Variants in NFYA observed in about 807,000 individuals in gnomAD.
NFYA encodes CAAT-box DNA binding protein subunit A.
NFYA carries 28 observed loss-of-function variants against 52.8 expected under a neutral mutation model. The observed-to-expected ratio is 0.53, with a 90% CI of 0.39 to 0.73. The LOEUF is 0.73. Ranked by LOEUF, NFYA falls within the 30% of genes least tolerant of loss-of-function variation. NFYA has a pLI of 0.00. For missense variants in NFYA, 234 were observed against 427.0 expected (o/e 0.55, Z 3.98); for synonymous variants, 150 against 150.7 (o/e 1.00, Z 0.03).
Position 41,079,100 on chromosome 6 carries a change from A to G in NFYA, c.11A>G (p.Tyr4Cys). ...TCACTTGGAGGGACCATGGAGCAGTATACAGCAAACAGCAATAGTTCGACA... is the reference window on the plus strand; with the variant it reads ...TCACTTGGAGGGACCATGGAGCAGTGTACAGCAAACAGCAATAGTTCGACA... Reference protein sequence around the residue: MEQYTANSNSSTEQ... With the variant: MEQCTANSNSSTEQ... Residue 4 changes from tyrosine (Y) to cysteine (C), a missense_variant, in exon 2 of 10, where the codon TAT (tyrosine) becomes TGT (cysteine). Physicochemically the swap from Tyr to Cys is radical, Grantham distance 194 (BLOSUM62 -2). Transcript: ENST00000341376. The G allele has an allele frequency of 6.2e-7, 1 of 1,614,214 alleles. No homozygotes were observed. The highest frequency in any genetic ancestry group is 1.3e-5 in the African/African-American group (1 of 75,058).
chr6:41,079,310 A>T (rs1763842476), intron 2 of NFYA, 146 bp downstream of exon 2: 2 of 719,692 alleles, frequency 2.8e-6, no homozygotes, highest in Non-Finnish European at 4.7e-6. Context: ...CTGAAATGCC[A>T]TGTCTAGCCC....
intron 7 of NFYA, 49 bp from the exon 8 acceptor site, chr6:41,092,863 A>G (rs374109965): frequency 8.1e-5 from 125 of 1,551,166 alleles, no homozygotes; most frequent in Non-Finnish European, 8.9e-5. Flanking sequence ...AACTGTTTCT[A>G]TGTCCATACT....
chr6:41,089,840 C>T, intron 5 of NFYA, 130 bp downstream of exon 5: 7 of 1,313,734 alleles, frequency 5.3e-6, no homozygotes, highest in East Asian at 2.6e-5. Context: ...ATATTTTTGG[C>T]CGGGCGCGGT....
intron 7 of NFYA, among the ~76,000 whole-genome samples, chr6:41,092,454 C>G (rs1764221477): frequency 6.6e-6 from 1 of 152,130 alleles, no homozygotes; most frequent in South Asian, 2.1e-4. Context: ...GGGTACAGGA[C>G]TCTGTTACTT....
Position 41,092,776 on chromosome 6 carries a change from T to C in NFYA, c.715-136T>C, listed in dbSNP as rs548891705. 26 of 740,864 alleles carry C rather than the reference T, an allele frequency of 3.5e-5. No individual in the cohort carries two copies. The East Asian group carries it at 7.1e-4, about 20-fold the overall frequency. 45.9% of individuals were successfully genotyped at this position (740,864 alleles called of 1,614,324 possible). On this transcript the variant is annotated intron_variant, in intron 7 of 9. Transcript: ENST00000341376. ...TCTTTAGTATAAATTTCTCCAGGGA[T>C]CCGCATTTACCCAAGTACCCTATAA...
chr6:41,079,220 C>A, intron 2 of NFYA, 56 bp downstream of exon 2: 1 of 1,522,630 alleles, frequency 6.6e-7, no homozygotes, highest in Non-Finnish European at 9.1e-7. Context: ...AACAGCACCA[C>A]TCAATTGGTT....
chr6:41,073,068 C>G lies in NFYA; in HGVS notation c.-78C>G, dbSNP rs1460834345. The G allele has an allele frequency of 6.5e-6, 1 of 153,938 alleles. No homozygotes were observed. The highest frequency in any genetic ancestry group is 1.8e-4 in the South Asian group (1 of 5,632). 9.5% of individuals were successfully genotyped at this position (153,938 alleles called of 1,614,324 possible). ...GAGCCAATCAGCGCGGGCAGCGAACCGGGGGAGCGAGGCACGGTGAGTGTG... is the reference window on the plus strand; with the variant it reads ...GAGCCAATCAGCGCGGGCAGCGAACGGGGGGAGCGAGGCACGGTGAGTGTG... On this transcript the variant is annotated 5_prime_UTR_variant, in exon 1 of 10. Coordinates refer to ENST00000341376, the MANE Select transcript of NFYA (RefSeq NM_002505.5).
intron 8 of NFYA, 21 bp downstream of exon 8, chr6:41,093,106 G>A: frequency 1.2e-6 from 2 of 1,604,086 alleles, no homozygotes; most frequent in Middle Eastern, 1.7e-4. Flanking sequence ...CATTGGGAAG[G>A]ATATAGGAAA....
chr6:41,080,045 C>T (rs752855959), intron 2 of NFYA, among the ~76,000 whole-genome samples: 1 of 152,122 alleles, frequency 6.6e-6, no homozygotes, highest in Non-Finnish European at 1.5e-5. Context: ...CACACCAGTG[C>T]CCTGGAGGGT....
intron 1 of NFYA, among the ~76,000 whole-genome samples, chr6:41,074,583 A>G (rs1176675706): frequency 6.6e-6 from 1 of 152,232 alleles, no homozygotes; most frequent in Non-Finnish European, 1.5e-5. Context: ...AAGAGAAGAA[A>G]AGCATGTGCA....
chr6:41,097,473 A>G lies in NFYA; in HGVS notation c.*63A>G, dbSNP rs981151840. On this transcript the variant is annotated 3_prime_UTR_variant, in exon 10 of 10. Transcript: ENST00000341376. ...TCTCACTGTTCCAGGAAATTGATCA[A>G]CTCTTCCAATGGGACATTGATGATC... is the stretch of plus-strand genomic sequence containing the variant. 31 of 1,543,360 alleles carry G rather than the reference A, an allele frequency of 2.0e-5. No homozygotes were observed. The highest frequency in any genetic ancestry group is 1.9e-4 in the African/African-American group (14 of 73,446).
Position 41,081,125 on chromosome 6 carries a change from T to G in NFYA, c.162+228T>G, listed in dbSNP as rs571370464. 2.0e-5 allele frequency among the ~76,000 whole-genome samples: 3 copies of G among 152,330 alleles called. No individual in the cohort carries two copies. In the East Asian group the frequency reaches 5.8e-4, roughly 29 times the overall value. ...TGAGAATTGGATTTGACTAGCATGT[T>G]TCTTTGAGAATGCCTGGAAAAGAAA... On this transcript the variant is annotated intron_variant, in intron 3 of 9. Transcript: ENST00000341376.
rs1477754716 is a variant in NFYA at position 41,084,050 on chromosome 6, A to G, written c.167A>G (p.Gln56Arg). The change falls in exon 4 of 10, where the codon CAA becomes CGA. Residue 56 changes from glutamine to arginine, a missense_variant. Physicochemically the swap from Gln to Arg is conservative, Grantham distance 43. Around this residue, in one of 3 missense-constraint regions of NFYA, gnomAD observed 118 missense variants for 182.4 expected, o/e 0.65. Coordinates refer to ENST00000341376, the MANE Select transcript of NFYA (RefSeq NM_002505.5). The part of the protein sequence containing the change: ...GQQVQTLQVV[Q>R]GQPLMVQVSG... Reference sequence around the variant, plus strand: ...TCTTATTTTATTTCATTCTAGGTCCAAGGGCAGCCATTAATGGTGCAGGTC... The same window carrying G: ...TCTTATTTTATTTCATTCTAGGTCCGAGGGCAGCCATTAATGGTGCAGGTC... 6.2e-7 allele frequency: 1 copy of G among 1,602,222 alleles called. No individual in the cohort carries two copies. The highest frequency in any genetic ancestry group is 1.3e-5 in the African/African-American group (1 of 74,270).
In NFYA at chr6:41,084,046, G is replaced by A; in HGVS notation, c.163G>A (p.Val55Ile). 6.3e-7 allele frequency: 1 copy of A among 1,598,822 alleles called. No individual in the cohort carries two copies. Among genetic ancestry groups the A allele is most frequent in the East Asian group, 2.3e-5 (1 of 44,376 alleles). ...TTGTTCTTATTTTATTTCATTCTAG[G>A]TCCAAGGGCAGCCATTAATGGTGCA... ...SGQQVQTLQV[V>I]QGQPLMVQVS... The change falls in exon 4 of 10, where the codon GTC (valine) becomes ATC (isoleucine). Residue 55 changes from valine (V) to isoleucine (I), a missense_variant and splice_region_variant. By Grantham distance (29) the Val-to-Ile change is conservative. Coordinates refer to ENST00000341376, the MANE Select transcript of NFYA (RefSeq NM_002505.5).
rs1764443707 is a variant in NFYA, at chr6:41,099,501, C to T, written c.*2091C>T. On this transcript the variant is annotated 3_prime_UTR_variant, in exon 10 of 10. Coordinates refer to ENST00000341376, the MANE Select transcript of NFYA (RefSeq NM_002505.5). The stretch of plus-strand genomic sequence containing the variant: ...TGCTTCAGTTGTCATTTTGTCATTG[C>T]ATTTCAAATAGCTCATGACCCTTTT... The T allele has an allele frequency of 6.6e-6, 1 of 152,190 alleles. No homozygotes were observed. Among genetic ancestry groups the T allele is most frequent in the African/African-American group, 2.4e-5 (1 of 41,456 alleles). The allele number at this position is 152,190 out of a possible 1,614,324, so 9.4% of individuals were successfully genotyped here.
At chr6:41,073,618 G>A (rs1283045925) in intron 1 of NFYA, among the ~76,000 whole-genome samples, 1 of 152,130 alleles carries the variant, frequency 6.6e-6, no homozygotes, top group African/African-American at 2.4e-5. Flanking sequence ...GCCCCTCTAG[G>A]TCGGGAGGGA....
At chr6:41,075,008 C>T (rs1763695029) in intron 1 of NFYA, among the ~76,000 whole-genome samples, 1 of 151,434 alleles carries the variant, frequency 6.6e-6, no homozygotes, top group African/African-American at 2.4e-5. Flanking sequence ...ACTCGTATTC[C>T]AGTGCTCTTT....
At chr6:41,088,448 T>C (rs1263713530) in intron 4 of NFYA, among the ~76,000 whole-genome samples, 1 of 144,000 alleles carries the variant, frequency 6.9e-6, no homozygotes, top group African/African-American at 2.7e-5. Context: ...AAAAAAAATT[T>C]ATTTTATAGT....
rs761564640 is a variant in NFYA, at chr6:41,091,691, C to T, written c.711C>T (p.Val237=). The T allele has an allele frequency of 1.2e-6, 2 of 1,609,972 alleles. No homozygotes were observed. Among genetic ancestry groups the T allele is most frequent in the South Asian group, 2.2e-5 (2 of 89,948 alleles). Residue 237 remains valine (V), a synonymous_variant, in exon 7 of 10, where the codon GTC becomes GTT. Transcript: ENST00000341376. ...AGNVVNSGGM[V]MMVPGAGSVP... is the part of the protein sequence containing the mutation. ...ATGTGGTCAATTCAGGAGGGATGGT[C>T]ATGGTAAGAAAATGTATTTTTCAGC...
Sources: gnomAD v4.1 joint callset for allele counts (sites outside exome capture counted in the v4.1 genomes callset) on GRCh38, gnomAD v4.1.1 for gene constraint, gnomAD v4.1.1 regional missense constraint, MANE v1.5 for transcripts, NCBI Gene and HGNC (gene_info 2026-07-23, HGNC 2026-07-21) for gene names.